The following ADAMTS2 variants were observed in gnomAD, a reference collection of about 807,000 sequenced individuals.
ADAMTS2 encodes A disintegrin and metalloproteinase with thrombospondin motifs 2.
A neutral mutation model predicts 123.0 loss-of-function variants in ADAMTS2; 50 were observed. That is an observed-to-expected ratio of 0.41 (90% confidence interval 0.32 to 0.51). The LOEUF (loss-of-function observed/expected upper bound fraction) is 0.51. ADAMTS2 is among the 20% of genes least tolerant of loss of function. ADAMTS2 has a pLI of 0.35. For missense variants in ADAMTS2, 1,494 were observed against 1,705.2 expected, an observed-to-expected ratio of 0.88 and a Z score of 2.18; for synonymous variants, 678 against 695.4, an observed-to-expected ratio of 0.98 and a Z score of 0.39.
intron 2 of ADAMTS2, among the ~76,000 whole-genome samples, chr5:179,302,503 G>A (rs566470905): frequency 6.6e-6 from 1 of 152,000 alleles, no homozygotes; most frequent in East Asian, 1.9e-4. Context: ...GGACCAGGAA[G>A]GAGCCCTGAG....
chr5:179,316,634 G>A (rs960669055), intron 2 of ADAMTS2, among the ~76,000 whole-genome samples: 6 of 152,212 alleles, frequency 3.9e-5, no homozygotes, highest in African/African-American at 9.7e-5. Context: ...GAGCAGGCAC[G>A]GAGAACTGCT....
chr5:179,164,498 C>T (rs376343887), intron 5 of ADAMTS2, among the ~76,000 whole-genome samples: 15 of 152,122 alleles, frequency 9.9e-5, no homozygotes, highest in Non-Finnish European at 1.9e-4. Context: ...GAGGCAGAGA[C>T]GGCACCAGTG....
At position 179,242,732 on chromosome 5, in the gene ADAMTS2, C is replaced by T. The variant is rs1211944379; in HGVS notation, c.688+30179G>A. On this transcript the variant is annotated intron_variant, in intron 3 of 21. Transcript: ENST00000251582. This position sits in a 1 kb window ranked among gnomAD's most constrained non-coding sequence, Gnocchi z 4.2. ...GAGTTCCACTCTGGGGGTGTGTGGCCAAGAACACAGGGCTCCCTCTTCCCT... is the reference window on the plus strand; with the variant it reads ...GAGTTCCACTCTGGGGGTGTGTGGCTAAGAACACAGGGCTCCCTCTTCCCT... Among the ~76,000 whole-genome samples, 1 of 152,098 alleles carries T rather than the reference C, an allele frequency of 6.6e-6. No individual in the cohort carries two copies. Among genetic ancestry groups the T allele is most frequent in the Non-Finnish European group, 1.5e-5 (1 of 68,022 alleles).
chr5:179,157,277 G>A (rs1008356369), intron 6 of ADAMTS2, among the ~76,000 whole-genome samples: 2 of 152,104 alleles, frequency 1.3e-5, no homozygotes, highest in Admixed American at 6.5e-5. Context: ...TGAGGGATCA[G>A]GTCACTTAAT....
At chr5:179,161,169 G>A (rs1454745306) in intron 5 of ADAMTS2, among the ~76,000 whole-genome samples, 1 of 152,204 alleles carries the variant, frequency 6.6e-6, no homozygotes, top group East Asian at 1.9e-4. Flanking sequence ...GACCCCTGCA[G>A]CTCATCTCGA....
Position 179,113,521 on chromosome 5 carries a change from A to G in ADAMTS2, c.*346T>C. The G allele has an allele frequency of 3.0e-6, 1 of 338,654 alleles. No homozygotes were observed. Among genetic ancestry groups the G allele is most frequent in the South Asian group, 3.2e-5 (1 of 31,546 alleles). 21.0% of individuals were successfully genotyped at this position (338,654 alleles called of 1,614,324 possible). The stretch of plus-strand genomic sequence containing the variant: ...TCATGCATCTCCGCCAAGGAAAGGA[A>G]GGTTCCCAATCACTGCTTAGCAACT... On this transcript the variant is annotated 3_prime_UTR_variant, in exon 22 of 22. Transcript: ENST00000251582.
intron 4 of ADAMTS2, among the ~76,000 whole-genome samples, chr5:179,184,509 T>TCAAAAAAAAAAAAAA (rs1290290563): frequency 1.1e-5 from 1 of 91,416 alleles, no homozygotes; most frequent in African/African-American, 4.6e-5. Context: ...AGACTCTGTC[T>TCAAAAAAAAAAAAAA]AAAAAAAAAA....
intron 3 of ADAMTS2, among the ~76,000 whole-genome samples, chr5:179,261,450 A>G (rs1766222575): frequency 6.6e-6 from 1 of 152,224 alleles, no homozygotes; most frequent in African/African-American, 2.4e-5. Context: ...TTAGTCACTC[A>G]GTAGGTGCCC....
intron 2 of ADAMTS2, among the ~76,000 whole-genome samples, chr5:179,286,872 C>A (rs550665109): frequency 6.6e-6 from 1 of 152,180 alleles, no homozygotes; most frequent in African/African-American, 2.4e-5. Context: ...CTCACATGGC[C>A]GTCCCCCTGT....
At chr5:179,271,312 C>T (rs541647260) in intron 3 of ADAMTS2, among the ~76,000 whole-genome samples, 1 of 152,260 alleles carries the variant, frequency 6.6e-6, no homozygotes, top group African/African-American at 2.4e-5. Context: ...GGCACGTGGC[C>T]AGCTCACCTC....
rs148271518 is a variant in ADAMTS2, at chr5:179,182,884, G to A, written c.892-1729C>T. Among the ~76,000 whole-genome samples, 112 of 152,214 alleles carry A rather than the reference G, an allele frequency of 7.4e-4. No individual in the cohort carries two copies. In the East Asian group the frequency reaches 0.011, roughly 15 times the overall value. ...CTCTAGACCCCCAGTGACCCATCTC[G>A]CCCCTGTGGCTGACAAGATGGAGCT... is the stretch of plus-strand genomic sequence containing the variant. On this transcript the variant is annotated intron_variant, in intron 4 of 21. Transcript: ENST00000251582.
rs758831916 is a variant in ADAMTS2 at position 179,343,848 on chromosome 5, C to T, written c.453G>A (p.Leu151=). The change falls in exon 2 of 22, where the codon CTG becomes CTA. Residue 151 remains leucine (L), a synonymous_variant. Transcript: ENST00000251582. The part of the protein sequence containing the change: ...GEKGTTRVEP[L]LGSCLYVGDV... ...CTCCGACGTAGAGACAGCTCCCGAG[C>T]AGGGGCTCCACGCGGGTGGTGCCCT... The T allele has an allele frequency of 3.1e-6, 5 of 1,602,156 alleles. No homozygotes were observed. The East Asian group carries it at 1.1e-4, about 36-fold the overall frequency.
chr5:179,255,643 T>C (rs899955023), intron 3 of ADAMTS2, among the ~76,000 whole-genome samples: 3 of 152,002 alleles, frequency 2.0e-5, no homozygotes. Context: ...TGACTCAGAA[T>C]GGGGTCAGCA....
In ADAMTS2 at chr5:179,130,723, G is replaced by A. The variant is rs774242812; in HGVS notation, c.2291-625C>T. On this transcript the variant is annotated intron_variant, in intron 15 of 21. Coordinates refer to ENST00000251582, the MANE Select transcript of ADAMTS2 (RefSeq NM_014244.5). This position sits in a 1 kb window ranked among gnomAD's most constrained non-coding sequence, Gnocchi z 4.3. ...CTGCAGTGTGGGGGGTGGCTGCTGCGGGGCAGCTGGGTGATGTGAGTGGGG... is the reference window on the plus strand; with the variant it reads ...CTGCAGTGTGGGGGGTGGCTGCTGCAGGGCAGCTGGGTGATGTGAGTGGGG... Among the ~76,000 whole-genome samples the A allele has an allele frequency of 8.5e-5, 13 of 152,142 alleles. No homozygotes were observed. The highest frequency in any genetic ancestry group is 1.3e-4 in the Admixed American group (2 of 15,276).
At chr5:179,161,936 C>T (rs1270228339) in intron 5 of ADAMTS2, among the ~76,000 whole-genome samples, 1 of 152,172 alleles carries the variant, frequency 6.6e-6, no homozygotes, top group Non-Finnish European at 1.5e-5. Flanking sequence ...GCACAAAGGT[C>T]ACTAATAAGC....
chr5:179,233,205 T>C (rs1023134097), intron 3 of ADAMTS2, among the ~76,000 whole-genome samples: 1 of 152,272 alleles, frequency 6.6e-6, no homozygotes, highest in African/African-American at 2.4e-5. Flanking sequence ...AAAAAACTTC[T>C]GTGTCTGTGT....
intron 2 of ADAMTS2, among the ~76,000 whole-genome samples, chr5:179,306,349 TGAA>T (rs1756670818): frequency 6.6e-6 from 1 of 152,038 alleles, no homozygotes; most frequent in Non-Finnish European, 1.5e-5. Context: ...ATTAACAGAC[TGAA>T]GAAGGAAAAA....
chr5:179,317,826 G>A lies in ADAMTS2; in HGVS notation c.534+25941C>T, dbSNP rs1757045922. 6.6e-6 allele frequency among the ~76,000 whole-genome samples: 1 copy of A among 152,220 alleles called. No individual in the cohort carries two copies. The highest frequency in any genetic ancestry group is 6.5e-5 in the Admixed American group (1 of 15,282). On this transcript the variant is annotated intron_variant, in intron 2 of 21. Coordinates refer to ENST00000251582, the MANE Select transcript of ADAMTS2 (RefSeq NM_014244.5). The surrounding 1 kb of genome is among the most constrained non-coding windows in gnomAD (Gnocchi z 4.9). ...GGAGAGTGGAGCAGACGTACAGGAT[G>A]GAGGGTAGAGGTGGGGCTGGTCCAC...
chr5:179,281,422 C>T (rs1342324653), intron 2 of ADAMTS2, among the ~76,000 whole-genome samples: 1 of 152,246 alleles, frequency 6.6e-6, no homozygotes, highest in Non-Finnish European at 1.5e-5. Context: ...CTGGACATTT[C>T]ATATACGTGG....
Sources: allele counts gnomAD v4.1 joint callset (sites outside exome capture counted in the v4.1 genomes callset), GRCh38; gene constraint gnomAD v4.1.1; non-coding constraint Gnocchi (gnomAD v3.1); transcripts MANE v1.5; gene names NCBI Gene and HGNC (gene_info 2026-07-23, HGNC 2026-07-21).